CRIM1: variants seen among roughly 807,000 people sequenced by gnomAD.
CRIM1 encodes the protein cysteine rich transmembrane BMP regulator 1.
In CRIM1, 32 loss-of-function variants were observed where a neutral mutation model predicts 116.4. That is an observed-to-expected ratio of 0.27 (90% CI 0.21 to 0.37). The LOEUF (loss-of-function observed/expected upper bound fraction) is 0.37. Among genes scored for constraint, CRIM1 ranks in the 10% least tolerant of loss-of-function variants. CRIM1 has a pLI of 1.00. For missense variants in CRIM1, 1,331 were observed against 1,354.8 expected (o/e 0.98, Z 0.28); for synonymous variants, 590 against 509.2 (o/e 1.16, Z -2.13).
chr2:36,458,034 C>T (rs959802043), intron 4 of CRIM1, among the ~76,000 whole-genome samples: 1 of 152,156 alleles, frequency 6.6e-6, no homozygotes, highest in African/African-American at 2.4e-5. Context: ...AATTTATAGG[C>T]GGTCATGTCT....
rs144151877 is a variant in CRIM1, at chr2:36,530,046, T to G, written c.2429-7306T>G. ...GGATTAAGATCAGATTTTTTTTTAT[T>G]GGAAGCTAAAAGTTATAAAGTAAAA... On this transcript the variant is annotated intron_variant, in intron 13 of 16. Transcript: ENST00000280527. Among the ~76,000 whole-genome samples, 260 of 152,314 alleles carry G rather than the reference T, an allele frequency of 1.7e-3. 1 individual carries two copies. The highest frequency in any genetic ancestry group is 5.9e-3 in the African/African-American group (246 of 41,574).
chr2:36,458,539 G>A (rs1677323189), intron 4 of CRIM1, among the ~76,000 whole-genome samples: 2 of 152,110 alleles, frequency 1.3e-5, no homozygotes, highest in Non-Finnish European at 2.9e-5. Flanking sequence ...TTCCGGCCTT[G>A]CTTAGAGTTC....
At chr2:36,460,849 G>T (rs1448231228) in intron 4 of CRIM1, among the ~76,000 whole-genome samples, 1 of 152,170 alleles carries the variant, frequency 6.6e-6, no homozygotes, top group Non-Finnish European at 1.5e-5. Context: ...AAAGTGTGGT[G>T]TTTGGGGGTT....
At chr2:36,364,822 A>G (rs1558501708) in intron 1 of CRIM1, among the ~76,000 whole-genome samples, 1 of 152,138 alleles carries the variant, frequency 6.6e-6, no homozygotes, top group Non-Finnish European at 1.5e-5. Flanking sequence ...ACATAGATGT[A>G]TATATAAGAT....
chr2:36,504,078 T>C (rs1422259813), intron 8 of CRIM1, among the ~76,000 whole-genome samples: 1 of 152,110 alleles, frequency 6.6e-6, no homozygotes, highest in Non-Finnish European at 1.5e-5. Context: ...TTTGCCACAT[T>C]GTCCAGGCAG....
At chr2:36,360,664 T>G (rs1000091990) in intron 1 of CRIM1, among the ~76,000 whole-genome samples, 1 of 152,010 alleles carries the variant, frequency 6.6e-6, no homozygotes, top group African/African-American at 2.4e-5. Flanking sequence ...TGGAAGAAAA[T>G]GTATGCGGGA....
At chr2:36,376,478 A>G (rs370501895) in intron 1 of CRIM1, among the ~76,000 whole-genome samples, 1 of 152,102 alleles carries the variant, frequency 6.6e-6, no homozygotes, top group Non-Finnish European at 1.5e-5. Context: ...CATGAGCGGG[A>G]GGAGGAGAGG....
intron 7 of CRIM1, among the ~76,000 whole-genome samples, chr2:36,498,825 T>C (rs1558372273): frequency 1.3e-5 from 2 of 152,196 alleles, no homozygotes; most frequent in South Asian, 4.1e-4. Flanking sequence ...AGATAATTGA[T>C]AGTTGACAGC....
chr2:36,400,125 C>T (rs1000055026), intron 2 of CRIM1, among the ~76,000 whole-genome samples: 2 of 151,536 alleles, frequency 1.3e-5, no homozygotes, highest in East Asian at 1.9e-4. Context: ...TATAAGAGAA[C>T]TTTATGGTGA....
At chr2:36,497,074 A>C (rs1371879745) in intron 7 of CRIM1, among the ~76,000 whole-genome samples, 2 of 152,172 alleles carry the variant, frequency 1.3e-5, no homozygotes, top group African/African-American at 4.8e-5. Context: ...GGTCAGTTTA[A>C]TCTTCAGTAT....
chr2:36,443,455 C>G (rs570636803), intron 4 of CRIM1, among the ~76,000 whole-genome samples: 1 of 152,158 alleles, frequency 6.6e-6, no homozygotes, highest in African/African-American at 2.4e-5. Flanking sequence ...TGTTTTCCCC[C>G]GACTACTCAC....
chr2:36,356,188 C>T lies in CRIM1; in HGVS notation c.-105C>T, dbSNP rs1668778994. 2.6e-6 allele frequency: 1 copy of T among 384,276 alleles called. No individual in the cohort carries two copies. Among genetic ancestry groups the T allele is most frequent in the Non-Finnish European group, 3.9e-6 (1 of 253,380 alleles). 23.8% of individuals were successfully genotyped at this position (384,276 alleles called of 1,614,324 possible). A position where few individuals can be genotyped will look rare whatever the true frequency, so the allele number is the denominator to read the frequency against. On this transcript the variant is annotated 5_prime_UTR_variant, in exon 1 of 17. Transcript: ENST00000280527. The surrounding 1 kb of genome is among the most constrained non-coding windows in gnomAD (Gnocchi z 4.3). ...GCCCCGAGAGGGGCGGTGAGGACCG[C>T]GGGCTGCTGGTGCGGCGGCGGCGGC...
intron 13 of CRIM1, among the ~76,000 whole-genome samples, chr2:36,525,312 A>G (rs1333220202): frequency 6.6e-6 from 1 of 152,158 alleles, no homozygotes. Context: ...TGACTATGAT[A>G]TAGGGATTTC....
chr2:36,481,778 A>T (rs1031604646), intron 7 of CRIM1, among the ~76,000 whole-genome samples: 3 of 152,146 alleles, frequency 2.0e-5, no homozygotes, highest in Non-Finnish European at 2.9e-5. Flanking sequence ...AGTTTGTCAG[A>T]TTCGGCTCCA....
At chr2:36,381,803 G>T (rs2148337246) in intron 1 of CRIM1, among the ~76,000 whole-genome samples, 1 of 152,270 alleles carries the variant, frequency 6.6e-6, no homozygotes, top group East Asian at 1.9e-4. Context: ...AACCTTCCAT[G>T]CCATTTTTAT....
At chr2:36,450,513 C>T (rs1431760700) in intron 4 of CRIM1, among the ~76,000 whole-genome samples, 1 of 152,078 alleles carries the variant, frequency 6.6e-6, no homozygotes, top group Non-Finnish European at 1.5e-5. Context: ...CTTTCTGTCT[C>T]TTAAAATGAA....
intron 15 of CRIM1, 77 bp downstream of exon 15, chr2:36,544,575 C>T (rs1001445525): frequency 8.6e-6 from 11 of 1,283,626 alleles, no homozygotes; most frequent in African/African-American, 3.0e-5. Context: ...TTAAAATTTC[C>T]TATGAGTAAC....
At chr2:36,452,560 A>G (rs1440639915) in intron 4 of CRIM1, among the ~76,000 whole-genome samples, 2 of 152,224 alleles carry the variant, frequency 1.3e-5, no homozygotes, top group Admixed American at 6.5e-5. Context: ...ATTGAAGAAA[A>G]TATGCTTTCC....
intron 5 of CRIM1, among the ~76,000 whole-genome samples, chr2:36,468,814 C>G (rs998450524): frequency 1.3e-5 from 2 of 152,146 alleles, no homozygotes; most frequent in Non-Finnish European, 1.5e-5. Flanking sequence ...GTTTGAAATC[C>G]TAGGTGTAGA....
Sources: allele counts gnomAD v4.1 joint callset (sites outside exome capture counted in the v4.1 genomes callset), GRCh38; gene constraint gnomAD v4.1.1; non-coding constraint Gnocchi (gnomAD v3.1); transcripts MANE v1.5; gene names NCBI Gene and HGNC (gene_info 2026-07-23, HGNC 2026-07-21).